The following ANAPC2 variants were observed in gnomAD, a reference collection of about 807,000 sequenced individuals.
The protein encoded by ANAPC2 is anaphase promoting complex subunit 2, also known as anaphase-promoting complex subunit 2.
In ANAPC2, 29 loss-of-function variants were observed where a neutral mutation model predicts 84.3. The ratio of observed to expected loss-of-function variants is 0.34; its 90% CI spans 0.26 to 0.47. The LOEUF (loss-of-function observed/expected upper bound fraction) is 0.47. Ranked by LOEUF, ANAPC2 falls within the 20% of genes least tolerant of loss-of-function variation. The probability of loss-of-function intolerance (pLI) is 1.00; values close to 1 mark genes in which losing one functional copy is unlikely to be tolerated. For synonymous variants in ANAPC2, 571 were observed against 479.4 expected, an observed-to-expected ratio of 1.19 and a Z score of -2.50; for missense variants, 857 against 1,131.7, an observed-to-expected ratio of 0.76 and a Z score of 3.48.
In ANAPC2 at chr9:137,185,009, C is replaced by T. The variant is rs561816317; in HGVS notation, c.952G>A (p.Gly318Ser). 17 of 1,605,592 alleles carry T rather than the reference C, an allele frequency of 1.1e-5. No individual in the cohort carries two copies. Among genetic ancestry groups the T allele is most frequent in the East Asian group, 9.0e-5 (4 of 44,608 alleles). Residue 318 changes from glycine (G) to serine (S), a missense_variant, in exon 4 of 13, where the codon GGC (glycine) becomes AGC (serine). Around this residue, in one of 3 missense-constraint regions of ANAPC2, gnomAD observed 428 missense variants for 513.8 expected, o/e 0.83. Transcript: ENST00000323927. ...CAGCGCCAGCGGCGCAGGGTGTTGC[C>T]GGCCTCGGGAGATGCGGGCCTGGCG... is the stretch of plus-strand genomic sequence containing the variant. The part of the protein sequence containing the change: ...GPARPASPEA[G>S]NTLRRWRCHV...
rs550565366 is a variant in ANAPC2, at chr9:137,182,402, G to C, written c.1287-540C>G. 7.9e-5 allele frequency among the ~76,000 whole-genome samples: 12 copies of C among 152,162 alleles called. No homozygotes were observed. In the South Asian group the frequency reaches 1.7e-3, roughly 21 times the overall value. ...TGGCGGCCTGTAGTCTCAGTTACTCGGGAGGCTGAGGCAGGAGAATGGCGT... is the reference window on the plus strand; with the variant it reads ...TGGCGGCCTGTAGTCTCAGTTACTCCGGAGGCTGAGGCAGGAGAATGGCGT... On this transcript the variant is annotated intron_variant, in intron 6 of 12. Transcript: ENST00000323927.
intron 10 of ANAPC2, among the ~76,000 whole-genome samples, chr9:137,177,454 A>C (rs1171084818): frequency 6.6e-6 from 1 of 152,038 alleles, no homozygotes; most frequent in East Asian, 1.9e-4. Context: ...CCTCACCTGT[A>C]CCTTGTTTAG....
At chr9:137,182,050 G>C (rs1250398009) in intron 6 of ANAPC2, among the ~76,000 whole-genome samples, 188 bp from the exon 7 acceptor site, 1 of 152,172 alleles carries the variant, frequency 6.6e-6, no homozygotes, top group Non-Finnish European at 1.5e-5. Flanking sequence ...AACGTTACTT[G>C]GGAGCAGCAG....
At chr9:137,178,854 C>A (rs1162849554) in intron 10 of ANAPC2, among the ~76,000 whole-genome samples, 1 of 152,234 alleles carries the variant, frequency 6.6e-6, no homozygotes, top group East Asian at 1.9e-4. Flanking sequence ...CCCTGGGGGC[C>A]TCCGCCTGGC....
intron 7 of ANAPC2, among the ~76,000 whole-genome samples, chr9:137,181,131 C>T (rs1834332560): frequency 6.6e-6 from 1 of 152,224 alleles, no homozygotes; most frequent in Admixed American, 6.5e-5. Flanking sequence ...CCCCTCTCAC[C>T]CCACAGGGAC....
chr9:137,183,347 G>A, intron 5 of ANAPC2, 105 bp from the exon 6 acceptor site: 8 of 981,750 alleles, frequency 8.1e-6, no homozygotes, highest in Non-Finnish European at 1.3e-5. Context: ...TGGTCTACAG[G>A]TCCCCACTGC....
At chr9:137,182,087 G>C (rs748584587) in intron 6 of ANAPC2, among the ~76,000 whole-genome samples, 1 of 152,166 alleles carries the variant, frequency 6.6e-6, no homozygotes, top group Admixed American at 6.5e-5. Context: ...GCCGGCCTGC[G>C]CACCTGCAAT....
chr9:137,180,939 T>G lies in ANAPC2; in HGVS notation c.1469-10A>C, dbSNP rs776038880. 1 of 1,612,222 alleles carries G rather than the reference T, an allele frequency of 6.2e-7. No homozygotes were observed. Among genetic ancestry groups the G allele is most frequent in the African/African-American group, 1.3e-5 (1 of 74,906 alleles). ...TTGGAGCTCGACTTCCCTGGCATGG[T>G]GGGGGCAGGGGTGTCACCTGACAGG... On this transcript the variant is annotated splice_polypyrimidine_tract_variant and intron_variant, in intron 7 of 12. Transcript: ENST00000323927.
chr9:137,187,724 G>A lies in ANAPC2; in HGVS notation c.497C>T (p.Pro166Leu). 1 of 1,613,886 alleles carries A rather than the reference G, an allele frequency of 6.2e-7. No individual in the cohort carries two copies. Among genetic ancestry groups the A allele is most frequent in the Non-Finnish European group, 8.5e-7 (1 of 1,180,026 alleles). The change falls in exon 2 of 13, where the codon CCC becomes CTC. Residue 166 changes from proline to leucine, a missense_variant. Transcript: ENST00000323927. Reference sequence around the variant, plus strand: ...CTGGATCATCTCTTGGAAGGTTCTGGGGGTGCTAAAGAACAAGACTCCGCG... The same window carrying A: ...CTGGATCATCTCTTGGAAGGTTCTGAGGGTGCTAAAGAACAAGACTCCGCG... ...MLRGVLFFST[P>L]RTFQEMIQRL...
At chr9:137,175,995 G>T (rs902087686) in intron 10 of ANAPC2, 158 bp from the exon 11 acceptor site, 62 of 880,268 alleles carry the variant, frequency 7.0e-5, no homozygotes, top group Admixed American at 1.5e-4. Context: ...ACTGGGTGGG[G>T]TCCCCACCTG....
chr9:137,185,383 G>A (rs1834442565), intron 3 of ANAPC2, among the ~76,000 whole-genome samples: 1 of 152,212 alleles, frequency 6.6e-6, no homozygotes, highest in African/African-American at 2.4e-5. Context: ...CGACCTGTGC[G>A]CTGTGCCTGG....
chr9:137,175,643 A>C (rs1834191796), intron 11 of ANAPC2, 65 bp downstream of exon 11: 3 of 1,557,578 alleles, frequency 1.9e-6, no homozygotes, highest in Admixed American at 3.6e-5. Flanking sequence ...TCACTGGGGA[A>C]CAGCCCCTCA....
chr9:137,188,380 TCCGCGCGGGGCCGCC>T, intron 1 of ANAPC2, 21 bp downstream of exon 1: 1 of 1,585,720 alleles, frequency 6.3e-7, no homozygotes. Flanking sequence ...TCCCGGAAAC[TCCGCGCGGGGCCGCC>T]CCTCTCTTCC....
In ANAPC2 at chr9:137,177,948, G is replaced by A. The variant is rs542855365; in HGVS notation, c.1891-2111C>T. 9.2e-5 allele frequency among the ~76,000 whole-genome samples: 14 copies of A among 152,156 alleles called. 1 individual carries two copies. Among genetic ancestry groups the A allele is most frequent in the Non-Finnish European group, 1.9e-4 (13 of 68,026 alleles). ...AGGGGAGGAAGCAGCCTCCCCTAGA[G>A]CCTTCGGAGGGCCCTGCTGACCCTG... is the stretch of plus-strand genomic sequence containing the variant. On this transcript the variant is annotated intron_variant, in intron 10 of 12. Transcript: ENST00000323927.
Position 137,181,975 on chromosome 9 carries a change from A to G in ANAPC2, c.1287-113T>C, listed in dbSNP as rs929089904. ...CCAGCACCACCGACCCTGCCTCTACACTCAGTGGTGATGGGCTATGTACTA... is the reference window on the plus strand; with the variant it reads ...CCAGCACCACCGACCCTGCCTCTACGCTCAGTGGTGATGGGCTATGTACTA... On this transcript the variant is annotated intron_variant, in intron 6 of 12. Coordinates refer to ENST00000323927, the MANE Select transcript of ANAPC2 (RefSeq NM_013366.4). The G allele has an allele frequency of 2.6e-5, 31 of 1,182,290 alleles. No individual in the cohort carries two copies. The South Asian group carries it at 3.4e-4, about 13-fold the overall frequency. 73.2% of individuals were successfully genotyped at this position (1,182,290 alleles called of 1,614,324 possible). A position where few individuals can be genotyped will look rare whatever the true frequency, so the allele number is the denominator to read the frequency against.
chr9:137,182,774 C>T (rs1316684328), intron 6 of ANAPC2, among the ~76,000 whole-genome samples: 1 of 152,192 alleles, frequency 6.6e-6, no homozygotes, highest in Non-Finnish European at 1.5e-5. Context: ...GCCAGGACAG[C>T]AGAGCCCACT....
Position 137,175,362 on chromosome 9 carries a change from C to CG in ANAPC2, c.2130dup (p.Gly711ArgfsTer7). 6.2e-7 allele frequency: 1 copy of CG among 1,611,772 alleles called. No individual in the cohort carries two copies. The highest frequency in any genetic ancestry group is 8.5e-7 in the Non-Finnish European group (1 of 1,179,568). On this transcript the variant is annotated frameshift_variant, in exon 12 of 13. Transcript: ENST00000323927. LOFTEE classifies it high-confidence loss of function. ...TCCTCCTCAATGACAGAGAAGGTGC[C>CG]GGGGGGCTCCTCACGCAGCACACCC...
intron 10 of ANAPC2, among the ~76,000 whole-genome samples, chr9:137,178,669 G>A (rs989532357): frequency 6.6e-6 from 1 of 152,142 alleles, no homozygotes; most frequent in African/African-American, 2.4e-5. Context: ...CTCGAGGTGT[G>A]GGGATGGCCA....
chr9:137,180,619 G>A (rs1834323697), intron 8 of ANAPC2, 92 bp from the exon 9 acceptor site: 1 of 1,584,300 alleles, frequency 6.3e-7, no homozygotes, highest in African/African-American at 1.3e-5. Flanking sequence ...CCCAGGCAGA[G>A]CAGGGAGCCT....
Sources: gnomAD v4.1 joint callset for allele counts (sites outside exome capture counted in the v4.1 genomes callset) on GRCh38, gnomAD v4.1.1 for gene constraint, gnomAD v4.1.1 regional missense constraint, MANE v1.5 for transcripts, NCBI Gene and HGNC (gene_info 2026-07-23, HGNC 2026-07-21) for gene names.